The following SDHC variants were observed in gnomAD, a reference collection of about 807,000 sequenced individuals.
SDHC encodes the protein succinate dehydrogenase complex subunit C, also known as succinate dehydrogenase cytochrome b560 subunit, mitochondrial.
In SDHC, 11 loss-of-function variants were observed where a neutral mutation model predicts 22.6. That is an observed-to-expected ratio of 0.49 (90% confidence interval 0.31 to 0.81). The LOEUF is 0.81. Ranked by LOEUF, SDHC falls within the 30% of genes least tolerant of loss-of-function variation. The probability of loss-of-function intolerance (pLI) is 0.05; values close to 1 mark genes in which losing one functional copy is unlikely to be tolerated. For missense variants in SDHC, 160 were observed against 212.0 expected (o/e 0.75, Z 1.52); for synonymous variants, 80 against 77.8 (o/e 1.03, Z -0.15).
At chr1:161,318,214 A>T (rs986829602) in intron 1 of SDHC, among the ~76,000 whole-genome samples, 1 of 151,928 alleles carries the variant, frequency 6.6e-6, no homozygotes, top group Non-Finnish European at 1.5e-5. Flanking sequence ...AGATCTCTTG[A>T]ACTTATTCCT....
intron 3 of SDHC, among the ~76,000 whole-genome samples, chr1:161,336,453 C>T (rs1324324721): frequency 7.9e-6 from 1 of 127,190 alleles, no homozygotes; most frequent in Non-Finnish European, 1.7e-5. Context: ...GGCTCCGTTT[C>T]AAAAAAAAAA....
chr1:161,346,516 A>G (rs1671903607), intron 4 of SDHC, among the ~76,000 whole-genome samples: 2 of 151,882 alleles, frequency 1.3e-5, no homozygotes, highest in South Asian at 4.2e-4. Flanking sequence ...CTCCTGCCTC[A>G]GCCTCCCGAC....
At chr1:161,354,391 T>C (rs1558181575) in intron 4 of SDHC, among the ~76,000 whole-genome samples, 2 of 152,158 alleles carry the variant, frequency 1.3e-5, no homozygotes, top group Non-Finnish European at 2.9e-5. Flanking sequence ...GACCAACAGA[T>C]GTTAAGTATC....
At chr1:161,327,624 T>G (rs1334267711) in intron 2 of SDHC, among the ~76,000 whole-genome samples, 1 of 152,122 alleles carries the variant, frequency 6.6e-6, no homozygotes, top group Non-Finnish European at 1.5e-5. Context: ...TGCAATGGTG[T>G]GATCTTGGCT....
intron 3 of SDHC, among the ~76,000 whole-genome samples, chr1:161,336,058 G>A (rs1046699460): frequency 2.0e-5 from 3 of 151,958 alleles, no homozygotes; most frequent in Non-Finnish European, 4.4e-5. Flanking sequence ...CAGATTCCAG[G>A]AATAATCCTG....
chr1:161,351,020 A>G (rs1313039864), intron 4 of SDHC, among the ~76,000 whole-genome samples: 1 of 152,184 alleles, frequency 6.6e-6, no homozygotes, highest in African/African-American at 2.4e-5. Flanking sequence ...CCAAGGAACC[A>G]AATATTCAGT....
At chr1:161,345,509 T>C (rs1204837765) in intron 4 of SDHC, among the ~76,000 whole-genome samples, 2 of 152,320 alleles carry the variant, frequency 1.3e-5, no homozygotes, top group South Asian at 2.1e-4. Flanking sequence ...CAGGCTATAA[T>C]GTAGTGGCGC....
chr1:161,319,887 A>G (rs942261578), intron 1 of SDHC, among the ~76,000 whole-genome samples: 4 of 152,044 alleles, frequency 2.6e-5, no homozygotes, highest in Non-Finnish European at 5.9e-5. Context: ...GCAGAATTAC[A>G]GTGGATTGAA....
At chr1:161,348,692 C>T (rs1207495411) in intron 4 of SDHC, among the ~76,000 whole-genome samples, 4 of 118 alleles carry the variant, frequency 0.034, no homozygotes, top group East Asian at 0.29. Context: ...AAAAAATTAG[C>T]CAGTTGTGGG....
intron 2 of SDHC, 45 bp from the exon 3 acceptor site, chr1:161,328,351 C>T (rs1207187808): frequency 7.0e-7 from 1 of 1,438,082 alleles, no homozygotes; most frequent in East Asian, 2.3e-5. Context: ...AATATTAAAC[C>T]AAGTTTACTT....
chr1:161,323,524 A>T, intron 1 of SDHC, 90 bp from the exon 2 acceptor site: 1 of 953,898 alleles, frequency 1.0e-6, no homozygotes, highest in Non-Finnish European at 1.7e-6. Flanking sequence ...CTTACTTTTA[A>T]TCTATCCCTT....
chr1:161,338,901 T>C (rs1671595596), intron 3 of SDHC, among the ~76,000 whole-genome samples: 1 of 152,040 alleles, frequency 6.6e-6, no homozygotes, highest in African/African-American at 2.4e-5. Flanking sequence ...CAGACTGGAG[T>C]GCAGTGGCGT....
At chr1:161,322,132 A>G (rs1670859840) in intron 1 of SDHC, among the ~76,000 whole-genome samples, 1 of 152,200 alleles carries the variant, frequency 6.6e-6, no homozygotes, top group African/African-American at 2.4e-5. Flanking sequence ...CTGAAATCCA[A>G]AATATTCCAG....
At chr1:161,320,815 G>T (rs1221803754) in intron 1 of SDHC, among the ~76,000 whole-genome samples, 1 of 147,832 alleles carries the variant, frequency 6.8e-6, no homozygotes, top group African/African-American at 2.5e-5. Context: ...CTTATTCTAA[G>T]ACTTCAGTCT....
intron 4 of SDHC, among the ~76,000 whole-genome samples, chr1:161,342,839 T>G (rs1174689077): frequency 6.6e-6 from 1 of 152,148 alleles, no homozygotes. Context: ...AGAGGAAATA[T>G]CTTGCCTAGA....
chr1:161,359,843 G>C lies in SDHC; in HGVS notation c.406-2486G>C, dbSNP rs560767473. ...TGGGGGAGTGAGGAGTGAAAGAGTA[G>C]GATGTTATAGGGTCTGTGGCATTCT... On this transcript the variant is annotated intron_variant, in intron 5 of 5. Coordinates refer to ENST00000367975, the MANE Select transcript of SDHC (RefSeq NM_003001.5). Among the ~76,000 whole-genome samples, 3 of 152,212 alleles carry C rather than the reference G, an allele frequency of 2.0e-5. No individual in the cohort carries two copies. The South Asian group carries it at 6.2e-4, about 32-fold the overall frequency.
At chr1:161,341,766 C>G (rs1216772938) in intron 4 of SDHC, among the ~76,000 whole-genome samples, 1 of 152,194 alleles carries the variant, frequency 6.6e-6, no homozygotes, top group Non-Finnish European at 1.5e-5. Flanking sequence ...TCCCTGGATA[C>G]ATGCTCTTAA....
At chr1:161,328,826 AACAT>A (rs1455008630) in intron 3 of SDHC, among the ~76,000 whole-genome samples, 1 of 152,246 alleles carries the variant, frequency 6.6e-6, no homozygotes, top group Non-Finnish European at 1.5e-5. Context: ...TTGCAGAAAT[AACAT>A]ACAGAGTTCC....
intron 5 of SDHC, among the ~76,000 whole-genome samples, chr1:161,358,930 CA>C (rs59347827): frequency 0.014 from 1,636 of 115,578 alleles, 88 homozygotes; most frequent in Admixed American, 0.11. Context: ...AATTCCGTCT[CA>C]AAAAAAAAAA....
Sources: allele counts gnomAD v4.1 joint callset (sites outside exome capture counted in the v4.1 genomes callset), GRCh38; gene constraint gnomAD v4.1.1; transcripts MANE v1.5; gene names NCBI Gene and HGNC (gene_info 2026-07-23, HGNC 2026-07-21).